Variants in RNF220 observed in about 807,000 individuals in gnomAD.
RNF220 encodes the protein E3 ubiquitin-protein ligase RNF220.
RNF220 carries 7 observed loss-of-function variants against 67.1 expected under a neutral mutation model. That is an observed-to-expected ratio of 0.10 (90% CI 0.06 to 0.20). RNF220 has a LOEUF of 0.20. RNF220 is among the 10% of genes least tolerant of loss of function. RNF220 has a pLI of 1.00. For missense variants in RNF220, 565 were observed against 740.3 expected, an observed-to-expected ratio of 0.76 and a Z score of 2.75; for synonymous variants, 270 against 283.2, an observed-to-expected ratio of 0.95 and a Z score of 0.47.
chr1:44,510,757 C>G (rs531936915), intron 2 of RNF220, among the ~76,000 whole-genome samples: 2 of 152,198 alleles, frequency 1.3e-5, no homozygotes, highest in Non-Finnish European at 2.9e-5. Context: ...ACTGTGAGCA[C>G]AGGTGTCCTG....
chr1:44,450,544 T>C (rs6668996), intron 2 of RNF220, among the ~76,000 whole-genome samples: 52,540 of 152,066 alleles, frequency 0.35, 9,309 homozygotes, highest in African/African-American at 0.42. Context: ...GATAGAAATA[T>C]AGTTTTTATA....
chr1:44,464,989 T>A (rs977438661), intron 2 of RNF220, among the ~76,000 whole-genome samples: 1 of 152,234 alleles, frequency 6.6e-6, no homozygotes, highest in Admixed American at 6.5e-5. Flanking sequence ...ACTGAGAGTG[T>A]CTGGATGGCA....
rs1488198655 is a variant in RNF220 at position 44,565,936 on chromosome 1, C to A, written c.626-48229C>A. On this transcript the variant is annotated intron_variant, in intron 2 of 14. Transcript: ENST00000361799. The surrounding 1 kb of genome is among the most constrained non-coding windows in gnomAD (Gnocchi z 4.2). ...TCTCACTCCCCACCTCAGCCTCTCG[C>A]CCTCCCTCTCTGCTCCACATTGATA... is the stretch of plus-strand genomic sequence containing the variant. 6.6e-6 allele frequency among the ~76,000 whole-genome samples: 1 copy of A among 152,144 alleles called. No homozygotes were observed. The highest frequency in any genetic ancestry group is 1.5e-5 in the Non-Finnish European group (1 of 68,014).
intron 5 of RNF220, among the ~76,000 whole-genome samples, chr1:44,631,414 C>G (rs1644115965): frequency 6.6e-6 from 1 of 152,174 alleles, no homozygotes; most frequent in African/African-American, 2.4e-5. Flanking sequence ...TGTGGGCACA[C>G]CTGAGTAGAT....
intron 8 of RNF220, among the ~76,000 whole-genome samples, chr1:44,638,672 C>T (rs150742597): frequency 6.2e-4 from 94 of 152,134 alleles, no homozygotes; most frequent in Middle Eastern, 6.8e-3. Flanking sequence ...GCAAGAGTTT[C>T]GGTGGAGACA....
At chr1:44,446,559 C>CT (rs1557933873) in intron 2 of RNF220, among the ~76,000 whole-genome samples, 4 of 149,104 alleles carry the variant, frequency 2.7e-5, no homozygotes, top group Non-Finnish European at 5.9e-5. Context: ...CTTGGAGTAA[C>CT]CTTTTTTTTT....
At chr1:44,507,528 C>CG (rs922602548) in intron 2 of RNF220, among the ~76,000 whole-genome samples, 2 of 151,130 alleles carry the variant, frequency 1.3e-5, no homozygotes, top group Admixed American at 6.6e-5. Flanking sequence ...TGGGGTTGGT[C>CG]GGGGTAATCC....
At chr1:44,413,801 T>C (rs560172397) in intron 2 of RNF220, among the ~76,000 whole-genome samples, 29 of 152,302 alleles carry the variant, frequency 1.9e-4, no homozygotes, top group African/African-American at 7.0e-4. Context: ...ACCATTTTTT[T>C]CCCTCCTCTT....
Position 44,534,328 on chromosome 1 carries a change from TTTA to T in RNF220, c.626-79826_626-79824del, listed in dbSNP as rs201476891. 5.2e-3 allele frequency among the ~76,000 whole-genome samples: 784 copies of T among 151,642 alleles called. 4 individuals carry two copies. The highest frequency in any genetic ancestry group is 0.018 in the African/African-American group (750 of 41,378). ...TTCTATTATTATTATTATTTTTAAT[TTTA>T]TTATTATTATACTTTAAGTTTTAGG... On this transcript the variant is annotated intron_variant, in intron 2 of 14. Transcript: ENST00000361799.
chr1:44,581,571 G>A (rs1309579243), intron 2 of RNF220, among the ~76,000 whole-genome samples: 2 of 152,226 alleles, frequency 1.3e-5, no homozygotes, highest in African/African-American at 4.8e-5. Context: ...CGGAAAGTCA[G>A]GACCAAACCC....
intron 2 of RNF220, among the ~76,000 whole-genome samples, chr1:44,593,984 C>A (rs1666290561): frequency 6.6e-6 from 1 of 151,490 alleles, no homozygotes; most frequent in Admixed American, 6.6e-5. Context: ...ACTTGGGAGG[C>A]TGAGGCAGGA....
chr1:44,556,854 C>T (rs561512883), intron 2 of RNF220, among the ~76,000 whole-genome samples: 99 of 152,166 alleles, frequency 6.5e-4, no homozygotes, highest in African/African-American at 2.3e-3. Flanking sequence ...CCACCGCGCC[C>T]GGCCTCTTCC....
chr1:44,591,861 T>G (rs1404555528), intron 2 of RNF220, among the ~76,000 whole-genome samples: 1 of 152,082 alleles, frequency 6.6e-6, no homozygotes, highest in Non-Finnish European at 1.5e-5. Flanking sequence ...TCTTGCCATC[T>G]GACACTCCAG....
At chr1:44,424,915 C>T (rs894700830) in intron 2 of RNF220, among the ~76,000 whole-genome samples, 2 of 152,214 alleles carry the variant, frequency 1.3e-5, no homozygotes, top group African/African-American at 2.4e-5. Flanking sequence ...GTTGCTCTGC[C>T]GAGAAGGGGC....
At chr1:44,525,686 C>A (rs910698196) in intron 2 of RNF220, among the ~76,000 whole-genome samples, 1 of 152,180 alleles carries the variant, frequency 6.6e-6, no homozygotes, top group Non-Finnish European at 1.5e-5. Context: ...CGTTGGCACT[C>A]AGTATCTCCC....
intron 2 of RNF220, among the ~76,000 whole-genome samples, chr1:44,574,584 G>T (rs888270846): frequency 1.8e-4 from 27 of 152,268 alleles, no homozygotes; most frequent in African/African-American, 6.3e-4. Context: ...CCTAAAGCCT[G>T]GCCCTTCAGT....
At chr1:44,494,205 C>CAAAAAAAAAAAAAAAAAA (rs375116674) in intron 2 of RNF220, among the ~76,000 whole-genome samples, 1 of 122,496 alleles carries the variant, frequency 8.2e-6, no homozygotes, top group African/African-American at 3.2e-5. Flanking sequence ...GAAACTCTGT[C>CAAAAAAAAAAAAAAAAAA]AAAAAAAAAA....
chr1:44,511,916 C>CGTGTGCGTGTGTGT (rs1553234669), intron 2 of RNF220, among the ~76,000 whole-genome samples: 9 of 147,706 alleles, frequency 6.1e-5, no homozygotes, highest in Non-Finnish European at 1.3e-4. Context: ...CGTGTGTGTG[C>CGTGTGCGTGTGTGT]GTGTGTGTGT....
At chr1:44,433,118 T>G (rs1029350900) in intron 2 of RNF220, among the ~76,000 whole-genome samples, 1 of 151,968 alleles carries the variant, frequency 6.6e-6, no homozygotes, top group Non-Finnish European at 1.5e-5. Context: ...TTTGTAGAGA[T>G]GGAGTTTCAC....
Sources: gnomAD v4.1 joint callset for allele counts (sites outside exome capture counted in the v4.1 genomes callset) on GRCh38, gnomAD v4.1.1 for gene constraint, Gnocchi (gnomAD v3.1) non-coding constraint, MANE v1.5 for transcripts, NCBI Gene and HGNC (gene_info 2026-07-23, HGNC 2026-07-21) for gene names.